MEFV: variants seen among roughly 807,000 people sequenced by gnomAD.
The protein encoded by MEFV is pyrin.
A neutral mutation model predicts 62.5 loss-of-function variants in MEFV; 60 were observed. That is an observed-to-expected ratio of 0.96 (90% CI 0.78 to 1.19). The LOEUF (loss-of-function observed/expected upper bound fraction) is 1.19, where lower values mean the gene tolerates loss of function less well. Among genes scored for constraint, MEFV ranks in the 50% most tolerant of loss-of-function variants. The pLI, the probability that MEFV is intolerant of heterozygous loss-of-function variation, is 0.00. For synonymous variants in MEFV, 500 were observed against 415.2 expected (o/e 1.20, Z -2.48); for missense variants, 1,169 against 1,004.5 (o/e 1.16, Z -2.21).
rs1357275323 is a variant in MEFV at position 3,243,430 on chromosome 16, T to G, written c.2057A>C (p.Asn686Thr). ...CATCATTATCACCACCCAGTAGCCA[T>G]TCTCTGGCGACAGAGTCATGTTCCC... ...RKGNMTLSPENGYWVVIMMKE... is the reference protein window; with the variant it reads ...RKGNMTLSPETGYWVVIMMKE... Residue 686 changes from asparagine (N) to threonine (T), a missense_variant, in exon 10 of 10, where the codon AAT (asparagine) becomes ACT (threonine). Asn to Thr is a moderately conservative substitution (Grantham distance 65). Transcript: ENST00000219596. 1 of 1,614,038 alleles carries G rather than the reference T, an allele frequency of 6.2e-7. No individual in the cohort carries two copies. The highest frequency in any genetic ancestry group is 1.3e-5 in the African/African-American group (1 of 74,908).
chr16:3,252,638 T>C (rs748958836), intron 2 of MEFV, among the ~76,000 whole-genome samples: 28 of 151,914 alleles, frequency 1.8e-4, no homozygotes, highest in Non-Finnish European at 2.8e-4. Flanking sequence ...CAACAATGCA[T>C]TGGAAAGTGT....
chr16:3,249,547 C>G lies in MEFV; in HGVS notation c.1144G>C (p.Val382Leu), dbSNP rs1248181134. 3.7e-6 allele frequency: 6 copies of G among 1,614,082 alleles called. No homozygotes were observed. Among genetic ancestry groups the G allele is most frequent in the Non-Finnish European group, 5.1e-6 (6 of 1,180,048 alleles). The change falls in exon 3 of 10, where the codon GTC becomes CTC. Residue 382 changes from valine (V) to leucine (L), a missense_variant. Transcript: ENST00000219596. ...LPQCKRHLKQ[V>L]QLLFCEDHDE... is the part of the protein sequence containing the mutation. ...TGATCCTCACAGAAGAGCAGCTGGA[C>G]CTGCTTCAGGTGGCGCTTACACTGT...
Position 3,248,903 on chromosome 16 carries a change from CCTTA to C in MEFV, c.1356+2_1356+5del, listed in dbSNP as rs1958986764. The C allele has an allele frequency of 6.2e-7, 1 of 1,614,112 alleles. No individual in the cohort carries two copies. The highest frequency in any genetic ancestry group is 2.2e-5 in the East Asian group (1 of 44,890). ...CGGATGGGCCATCAGCCACCTCTGACCTTACCAGAAAGCTCACTGCCTTCTCCTC... is the reference window on the plus strand; with the variant it reads ...CGGATGGGCCATCAGCCACCTCTGACCCAGAAAGCTCACTGCCTTCTCCTC... On this transcript the variant is annotated splice_donor_variant and splice_donor_5th_base_variant and intron_variant, in intron 4 of 9. Transcript: ENST00000219596. LOFTEE classifies it high-confidence loss of function.
intron 2 of MEFV, among the ~76,000 whole-genome samples, chr16:3,250,922 G>A (rs1166563011): frequency 6.6e-6 from 1 of 150,672 alleles, no homozygotes; most frequent in Non-Finnish European, 1.5e-5. Context: ...TACTCGGGAG[G>A]CTGAGGCAGG....
intron 1 of MEFV, among the ~76,000 whole-genome samples, chr16:3,255,775 C>T (rs148742428): frequency 2.0e-5 from 3 of 152,198 alleles, no homozygotes; most frequent in Admixed American, 2.0e-4. Flanking sequence ...TAAGATCTTA[C>T]ACAGGTCAGC....
rs113561695 is a variant in MEFV, at chr16:3,248,703, A to T, written c.1356+206T>A. 3.6e-4 allele frequency: 513 copies of T among 1,419,056 alleles called. No individual in the cohort carries two copies. The African/African-American group carries it at 6.6e-3, about 18-fold the overall frequency. 87.9% of individuals were successfully genotyped at this position (1,419,056 alleles called of 1,614,324 possible). ...GGTGAGTATGAGAAAGCATGACAGG[A>T]TCCTCAGAGGTGACCCCTGCCTGCT... On this transcript the variant is annotated intron_variant, in intron 4 of 9. Transcript: ENST00000219596.
At position 3,256,489 on chromosome 16, in the gene MEFV, C is replaced by T. The variant is rs767848974; in HGVS notation, c.99G>A (p.Val33=). Residue 33 remains valine (V), a synonymous_variant, in exon 1 of 10, where the codon GTG becomes GTA. Coordinates refer to ENST00000219596, the MANE Select transcript of MEFV (RefSeq NM_000243.3). ...GGGGGATCCTGGAGTGCTCCTTCTGCACACTGGTGTTCTGCAGCTTGAACT... is the reference window on the plus strand; with the variant it reads ...GGGGGATCCTGGAGTGCTCCTTCTGTACACTGGTGTTCTGCAGCTTGAACT... The part of the protein sequence containing the change: ...KFKFKLQNTS[V]QKEHSRIPRS... 6.7e-5 allele frequency: 108 copies of T among 1,614,098 alleles called. No homozygotes were observed. Among genetic ancestry groups the T allele is most frequent in the Non-Finnish European group, 9.2e-5 (108 of 1,180,058 alleles).
intron 9 of MEFV, 40 bp from the exon 10 acceptor site, chr16:3,243,734 G>A (rs1958897057): frequency 1.2e-6 from 2 of 1,611,456 alleles, no homozygotes; most frequent in African/African-American, 1.3e-5. Context: ...GGGTCCATGG[G>A]CAACATCCCT....
Position 3,256,168 on chromosome 16 carries a change from C to A in MEFV, c.277+143G>T, listed in dbSNP as rs1959112222. On this transcript the variant is annotated intron_variant, in intron 1 of 9. Transcript: ENST00000219596. Reference sequence around the variant, plus strand: ...GGCCAGAGTGAAGAAAGGGACGTTCCTGAACTAAAGTCATCTGGATTTTGG... The same window carrying A: ...GGCCAGAGTGAAGAAAGGGACGTTCATGAACTAAAGTCATCTGGATTTTGG... The A allele has an allele frequency of 3.0e-6, 3 of 997,524 alleles. No individual in the cohort carries two copies. The South Asian group carries it at 4.2e-5, about 14-fold the overall frequency. 61.8% of individuals were successfully genotyped at this position (997,524 alleles called of 1,614,324 possible).
intron 1 of MEFV, among the ~76,000 whole-genome samples, chr16:3,256,028 T>C (rs1341263543): frequency 6.6e-6 from 1 of 152,116 alleles, no homozygotes; most frequent in South Asian, 2.1e-4. Context: ...TAATCATAAA[T>C]GTAGTGAAGA....
At chr16:3,251,082 A>G (rs1032802330) in intron 2 of MEFV, among the ~76,000 whole-genome samples, 5 of 151,142 alleles carry the variant, frequency 3.3e-5, no homozygotes, top group African/African-American at 1.2e-4. Flanking sequence ...AGCCCCTGCT[A>G]CCTCCTCCCA....
chr16:3,256,242 C>T (rs1959113096), intron 1 of MEFV, 69 bp downstream of exon 1: 1 of 1,562,806 alleles, frequency 6.4e-7, no homozygotes, highest in South Asian at 1.1e-5. Context: ...GCTCTGAGCT[C>T]CTGGTCCCCT....
rs746035817 is a variant in MEFV, at chr16:3,254,765, T to A, written c.303A>T (p.Thr101=). 4 of 1,612,448 alleles carry A rather than the reference T, an allele frequency of 2.5e-6. No individual in the cohort carries two copies. In the East Asian group the frequency reaches 8.9e-5, roughly 36 times the overall value. The part of the protein sequence containing the change: ...IQEYSTQENG[T]DDSAASSSLG... ...GGGAGCTGGACGCTGCGGAATCATC[T>A]GTGCCGTTTTCTTGTGTGGAATATT... The change falls in exon 2 of 10, where the codon ACA becomes ACT. Residue 101 remains threonine, a synonymous_variant. Coordinates refer to ENST00000219596, the MANE Select transcript of MEFV (RefSeq NM_000243.3).
At chr16:3,254,037 G>A in intron 2 of MEFV, 121 bp downstream of exon 2, 1 of 1,099,810 alleles carries the variant, frequency 9.1e-7, no homozygotes, top group Non-Finnish European at 1.3e-6. Flanking sequence ...CAAAGTCTTG[G>A]CCTCCAGCAA....
rs1220047688 is a variant in MEFV at position 3,254,587 on chromosome 16, G to C, written c.481C>G (p.Arg161Gly). 1 of 1,592,358 alleles carries C rather than the reference G, an allele frequency of 6.3e-7. No individual in the cohort carries two copies. Among genetic ancestry groups the C allele is most frequent in the East Asian group, 2.3e-5 (1 of 44,328 alleles). ...RGLSRKPLSK[R>G]REKASEGLDA... is the part of the protein sequence containing the mutation. ...AGGCCCTCCGAGGCCTTCTCTCTGCGTTTGCTCAGGGGCTTCCTCGACAGC... is the reference window on the plus strand; with the variant it reads ...AGGCCCTCCGAGGCCTTCTCTCTGCCTTTGCTCAGGGGCTTCCTCGACAGC... Residue 161 changes from arginine to glycine, a missense_variant, in exon 2 of 10, where the codon CGC becomes GGC. Coordinates refer to ENST00000219596, the MANE Select transcript of MEFV (RefSeq NM_000243.3).
In MEFV at chr16:3,254,477, GC is replaced by G. The variant is rs1048716809; in HGVS notation, c.590del (p.Gly197AlafsTer65). On this transcript the variant is annotated frameshift_variant, in exon 2 of 10. Coordinates refer to ENST00000219596, the MANE Select transcript of MEFV (RefSeq NM_000243.3). LOFTEE classifies it high-confidence loss of function. Reference protein sequence around the residue: ...SPGPCRALEGGQAEVRLRRNA... With the variant: ...SPGPCRALEGXQAEVRLRRNA... Reference sequence around the variant, plus strand: ...TTCTGCGCAGCCGGACCTCGGCCTGGCCCCCCTCTAGCGCCCTGCAGGGGCC... The same window carrying G: ...TTCTGCGCAGCCGGACCTCGGCCTGGCCCCCTCTAGCGCCCTGCAGGGGCC... The G allele has an allele frequency of 1.3e-6, 2 of 1,594,684 alleles. No homozygotes were observed. Among genetic ancestry groups the G allele is most frequent in the African/African-American group, 1.3e-5 (1 of 74,384 alleles).
rs1409147568 is a variant in MEFV, at chr16:3,245,489, C to G, written c.1611-901G>C. Among the ~76,000 whole-genome samples, 5 of 152,194 alleles carry G rather than the reference C, an allele frequency of 3.3e-5. 1 individual carries two copies. The highest frequency in any genetic ancestry group is 6.8e-3 in the Middle Eastern group (2 of 294). Reference sequence around the variant, plus strand: ...AAACCCTGTCTACCAAAAAAATTAGCTGGGCATGGTGGCACGCTCCTGTAG... The same window carrying G: ...AAACCCTGTCTACCAAAAAAATTAGGTGGGCATGGTGGCACGCTCCTGTAG... On this transcript the variant is annotated intron_variant, in intron 6 of 9. Transcript: ENST00000219596.
rs104895175 is a variant in MEFV at position 3,254,771 on chromosome 16, G to A, written c.297C>T (p.Asn99=). The part of the protein sequence containing the change: ...AAIQEYSTQE[N]GTDDSAASSS... ...TGGACGCTGCGGAATCATCTGTGCC[G>A]TTTTCTTGTGTGGAATATTCTGGAA... is the stretch of plus-strand genomic sequence containing the variant. The change falls in exon 2 of 10, where the codon AAC becomes AAT. Residue 99 remains asparagine, a synonymous_variant. Coordinates refer to ENST00000219596, the MANE Select transcript of MEFV (RefSeq NM_000243.3). 410 of 1,612,066 alleles carry A rather than the reference G, an allele frequency of 2.5e-4. 3 individuals carry two copies. Among genetic ancestry groups the A allele is most frequent in the Non-Finnish European group, 4.9e-5 (58 of 1,180,028 alleles).
At chr16:3,244,630 G>A in intron 6 of MEFV, 42 bp from the exon 7 acceptor site, 2 of 1,506,486 alleles carry the variant, frequency 1.3e-6, no homozygotes, top group Non-Finnish European at 1.8e-6. Context: ...CCGGAGCGAG[G>A]GGGTGGCCCA....
Sources: gnomAD v4.1 joint callset for allele counts (sites outside exome capture counted in the v4.1 genomes callset) on GRCh38, gnomAD v4.1.1 for gene constraint, MANE v1.5 for transcripts, NCBI Gene and HGNC (gene_info 2026-07-23, HGNC 2026-07-21) for gene names.